The following CNTN4 variants were observed in gnomAD, a reference collection of about 807,000 sequenced individuals.
CNTN4 encodes contactin-4.
Under a neutral mutation model 122.5 loss-of-function variants are expected in CNTN4, and 77 were observed. The observed-to-expected ratio is 0.63, with a 90% CI of 0.52 to 0.76. The LOEUF is 0.76. Ranked by LOEUF, CNTN4 falls within the 30% of genes least tolerant of loss-of-function variation. The probability of loss-of-function intolerance (pLI) is 0.00; values close to 1 mark genes in which losing one functional copy is unlikely to be tolerated. For missense variants in CNTN4, 1,256 were observed against 1,259.1 expected (o/e 1.00, Z 0.04); for synonymous variants, 512 against 447.0 (o/e 1.15, Z -1.83).
intron 13 of CNTN4, among the ~76,000 whole-genome samples, chr3:2,938,325 C>A (rs559974710): frequency 6.6e-6 from 1 of 151,872 alleles, no homozygotes; most frequent in Non-Finnish European, 1.5e-5. Context: ...AATAGTAACA[C>A]CCAGCGCTTG....
intron 13 of CNTN4, among the ~76,000 whole-genome samples, chr3:2,984,478 C>A (rs4685589): frequency 0.19 from 28,302 of 152,094 alleles, 3,027 homozygotes; most frequent in Non-Finnish European, 0.25. Flanking sequence ...CCCATTATCC[C>A]CCCCAGGACA....
intron 4 of CNTN4, among the ~76,000 whole-genome samples, chr3:2,673,135 C>T (rs144147514): frequency 1.3e-3 from 195 of 152,210 alleles, no homozygotes; most frequent in Non-Finnish European, 2.1e-3. Flanking sequence ...ATGGAAAATA[C>T]GCAATCTATG....
In CNTN4 at chr3:2,977,568, G is replaced by A. The variant is rs1417554793; in HGVS notation, c.1359-10777G>A. Among the ~76,000 whole-genome samples, 2 of 151,814 alleles carry A rather than the reference G, an allele frequency of 1.3e-5. 1 individual carries two copies. Among genetic ancestry groups the A allele is most frequent in the African/African-American group, 4.8e-5 (2 of 41,316 alleles). ...TCTGTTAGCTGCTGTTGGGGAAAAG[G>A]CCAAGCCTTCTACAGGCTGGAAGGA... On this transcript the variant is annotated intron_variant, in intron 13 of 24. Transcript: ENST00000418658.
intron 3 of CNTN4, among the ~76,000 whole-genome samples, chr3:2,453,990 G>C (rs1292301702): frequency 1.3e-5 from 2 of 151,994 alleles, no homozygotes; most frequent in Non-Finnish European, 2.9e-5. Context: ...AGTGATTTCT[G>C]TGCTTGTTGC....
chr3:2,324,155 G>A (rs1007005808), intron 2 of CNTN4, among the ~76,000 whole-genome samples: 1 of 152,192 alleles, frequency 6.6e-6, no homozygotes, highest in Non-Finnish European at 1.5e-5. Context: ...TCCTCTGGCG[G>A]GGAGGGGGCA....
At chr3:2,104,610 G>A (rs780714038) in intron 2 of CNTN4, among the ~76,000 whole-genome samples, 15 of 152,176 alleles carry the variant, frequency 9.9e-5, no homozygotes, top group Non-Finnish European at 1.2e-4. Context: ...ATTGGAGGTT[G>A]TTGTAGGCAC....
chr3:2,557,084 T>C lies in CNTN4; in HGVS notation c.-88-14332T>C, dbSNP rs556619351. On this transcript the variant is annotated intron_variant, in intron 3 of 24. Transcript: ENST00000418658. ...TGCCAGATCTCTGAAATAGCGTCAG[T>C]CTCAAAATTCATGTTATCACTAATT... 6.6e-5 allele frequency among the ~76,000 whole-genome samples: 10 copies of C among 152,336 alleles called. No homozygotes were observed. The South Asian group carries it at 1.9e-3, about 28-fold the overall frequency.
intron 2 of CNTN4, among the ~76,000 whole-genome samples, chr3:2,297,241 A>G (rs2042346531): frequency 6.6e-6 from 1 of 152,338 alleles, no homozygotes; most frequent in South Asian, 2.1e-4. Flanking sequence ...ATGCACAGAA[A>G]GCTTCGTAAT....
chr3:2,245,344 T>C (rs1457809004), intron 2 of CNTN4, among the ~76,000 whole-genome samples: 3 of 152,068 alleles, frequency 2.0e-5, no homozygotes, highest in African/African-American at 7.2e-5. Context: ...ACAAACACTT[T>C]CCGAGTAGCT....
chr3:2,187,858 T>C (rs963266735), intron 2 of CNTN4, among the ~76,000 whole-genome samples: 7 of 152,036 alleles, frequency 4.6e-5, no homozygotes, highest in African/African-American at 1.4e-4. Flanking sequence ...GGTTTCTGAG[T>C]AGGGAAAGGT....
chr3:2,825,903 C>G (rs2092976624), intron 7 of CNTN4, among the ~76,000 whole-genome samples: 1 of 152,182 alleles, frequency 6.6e-6, no homozygotes, highest in African/African-American at 2.4e-5. Flanking sequence ...CACATCCCCA[C>G]TAGAGTTGGA....
At chr3:3,048,421 A>G (rs986646126) in intron 23 of CNTN4, among the ~76,000 whole-genome samples, 6 of 152,192 alleles carry the variant, frequency 3.9e-5, no homozygotes, top group Non-Finnish European at 5.9e-5. Flanking sequence ...GGACTTGAGT[A>G]TCCACAGATT....
intron 3 of CNTN4, among the ~76,000 whole-genome samples, chr3:2,363,554 C>T (rs2045249469): frequency 6.6e-6 from 1 of 152,108 alleles, no homozygotes; most frequent in African/African-American, 2.4e-5. Flanking sequence ...CATTATTATT[C>T]ACATATTTTA....
At chr3:2,517,255 G>C (rs1190059270) in intron 3 of CNTN4, among the ~76,000 whole-genome samples, 11 of 152,134 alleles carry the variant, frequency 7.2e-5, no homozygotes, top group African/African-American at 2.7e-4. Context: ...TCTTATTTCA[G>C]TGAGTGTTTC....
At chr3:3,015,109 A>G (rs563719081) in intron 14 of CNTN4, among the ~76,000 whole-genome samples, 10 of 152,276 alleles carry the variant, frequency 6.6e-5, no homozygotes, top group Admixed American at 3.3e-4. Flanking sequence ...TCCCTCCTTT[A>G]AATTTCACTG....
chr3:2,287,298 G>C (rs1455059820), intron 2 of CNTN4, among the ~76,000 whole-genome samples: 2 of 151,992 alleles, frequency 1.3e-5, no homozygotes, highest in Non-Finnish European at 2.9e-5. Flanking sequence ...ATTTGAAATG[G>C]GCTGTGTATA....
At chr3:2,555,949 C>A (rs1296558439) in intron 3 of CNTN4, among the ~76,000 whole-genome samples, 1 of 152,068 alleles carries the variant, frequency 6.6e-6, no homozygotes, top group African/African-American at 2.4e-5. Flanking sequence ...TAACCTATTA[C>A]CCCAGGTTCA....
At chr3:3,043,286 C>G in intron 22 of CNTN4, 123 bp downstream of exon 22, 1 of 992,474 alleles carries the variant, frequency 1.0e-6, no homozygotes, top group Non-Finnish European at 1.6e-6. Flanking sequence ...TTCAAATTTC[C>G]CTCAGCATTT....
chr3:2,228,092 T>A lies in CNTN4; in HGVS notation c.-144-111086T>A, dbSNP rs548897284. ...AAAATAATATGGTTTTGCATATGGT[T>A]TAAAGCATTTCTAGTTACAAGTGAT... On this transcript the variant is annotated intron_variant, in intron 2 of 24. Coordinates refer to ENST00000418658, the MANE Select transcript of CNTN4 (RefSeq NM_175607.3). Among the ~76,000 whole-genome samples the A allele has an allele frequency of 2.6e-5, 4 of 152,234 alleles. No individual in the cohort carries two copies. The South Asian group carries it at 8.3e-4, about 32-fold the overall frequency.
Sources: gnomAD v4.1 joint callset for allele counts (sites outside exome capture counted in the v4.1 genomes callset) on GRCh38, gnomAD v4.1.1 for gene constraint, MANE v1.5 for transcripts, NCBI Gene and HGNC (gene_info 2026-07-23, HGNC 2026-07-21) for gene names.